PPARD: variants seen among roughly 807,000 people sequenced by gnomAD.
The protein encoded by PPARD is peroxisome proliferator-activated receptor delta.
In PPARD, 6 loss-of-function variants were observed where a neutral mutation model predicts 39.5. The ratio of observed to expected loss-of-function variants is 0.15; its 90% CI spans 0.08 to 0.30. The LOEUF (loss-of-function observed/expected upper bound fraction) is 0.30, where lower values mean the gene tolerates loss of function less well. Ranked by LOEUF, PPARD falls within the 10% of genes least tolerant of loss-of-function variation. The pLI, the probability that PPARD is intolerant of heterozygous loss-of-function variation, is 1.00. For missense variants in PPARD, 397 were observed against 596.8 expected (o/e 0.67, Z 3.49); for synonymous variants, 210 against 231.3 (o/e 0.91, Z 0.83).
chr6:35,383,600 GC>G (rs1326587095), intron 2 of PPARD, among the ~76,000 whole-genome samples: 1 of 128,172 alleles, frequency 7.8e-6, no homozygotes, highest in East Asian at 2.0e-4. Context: ...CCTCTTTCCG[GC>G]CGCCATCACA....
In PPARD at chr6:35,425,813, G is replaced by C. The variant is rs746489247; in HGVS notation, c.1079-19G>C. On this transcript the variant is annotated intron_variant, in intron 7 of 7. Transcript: ENST00000360694. This position sits in a 1 kb window ranked among gnomAD's most constrained non-coding sequence, Gnocchi z 4.5. ...CCACTGCCTTTCTGAGCTCCCTGGC[G>C]TGCCCTGTGTCCCCACAGACCGGCC... The C allele has an allele frequency of 1.2e-6, 2 of 1,612,356 alleles. No individual in the cohort carries two copies. Among genetic ancestry groups the C allele is most frequent in the Admixed American group, 1.7e-5 (1 of 59,998 alleles).
At chr6:35,352,960 A>G (rs999865450) in intron 2 of PPARD, among the ~76,000 whole-genome samples, 1 of 152,148 alleles carries the variant, frequency 6.6e-6, no homozygotes, top group African/African-American at 2.4e-5. Context: ...AGGACTACAC[A>G]AGGGTGTGAA....
At chr6:35,349,291 C>G (rs1761091477) in intron 2 of PPARD, among the ~76,000 whole-genome samples, 1 of 152,214 alleles carries the variant, frequency 6.6e-6, no homozygotes, top group African/African-American at 2.4e-5. Flanking sequence ...TCCCAAAGTG[C>G]TGGGATTACA....
At chr6:35,379,260 C>T (rs906539053) in intron 2 of PPARD, among the ~76,000 whole-genome samples, 7 of 151,976 alleles carry the variant, frequency 4.6e-5, no homozygotes, top group African/African-American at 1.2e-4. Flanking sequence ...TCCGCCACCA[C>T]GCTCGGCTAA....
intron 2 of PPARD, among the ~76,000 whole-genome samples, chr6:35,377,541 T>G (rs1762880034): frequency 6.6e-6 from 1 of 152,192 alleles, no homozygotes; most frequent in Non-Finnish European, 1.5e-5. Context: ...GGTTTTAGGG[T>G]CCAGCTGTTT....
rs542196329 is a variant in PPARD, at chr6:35,387,824, C to T, written c.-101-23163C>T. The stretch of plus-strand genomic sequence containing the variant: ...GCAACCTCCACCTCTCAGGCTCAAG[C>T]GATTCTCCTGCCTCAGCCTCCCAAG... On this transcript the variant is annotated intron_variant, in intron 2 of 7. Transcript: ENST00000360694. Among the ~76,000 whole-genome samples, 43 of 147,348 alleles carry T rather than the reference C, an allele frequency of 2.9e-4. No homozygotes were observed. In the South Asian group the frequency reaches 7.0e-3, roughly 24 times the overall value.
At chr6:35,346,504 C>A (rs888083250) in intron 1 of PPARD, among the ~76,000 whole-genome samples, 1 of 152,168 alleles carries the variant, frequency 6.6e-6, no homozygotes, top group Non-Finnish European at 1.5e-5. Flanking sequence ...GGTGTCCATG[C>A]ACATTTTTCT....
chr6:35,417,412 A>G (rs183442622), intron 3 of PPARD, among the ~76,000 whole-genome samples: 1 of 151,326 alleles, frequency 6.6e-6, no homozygotes, highest in Non-Finnish European at 1.5e-5. Flanking sequence ...CAGCCTCCTC[A>G]GTAGCTGGCA....
rs376845108 is a variant in PPARD, at chr6:35,351,544, T to C, written c.-102+4394T>C. ...TTGATTTTTATCATTGGTAACATAC[T>C]GTTGGTTCTTTTGTTTGATTTTGTC... On this transcript the variant is annotated intron_variant, in intron 2 of 7. Transcript: ENST00000360694. 4.6e-5 allele frequency among the ~76,000 whole-genome samples: 7 copies of C among 152,270 alleles called. No homozygotes were observed. The East Asian group carries it at 9.7e-4, about 21-fold the overall frequency.
chr6:35,368,204 C>T (rs1475753743), intron 2 of PPARD, among the ~76,000 whole-genome samples: 1 of 152,178 alleles, frequency 6.6e-6, no homozygotes, highest in East Asian at 1.9e-4. Context: ...TCTTAGGGAA[C>T]CTTCCAAAAT....
intron 3 of PPARD, among the ~76,000 whole-genome samples, chr6:35,413,588 A>G (rs767937001): frequency 1.4e-4 from 22 of 152,168 alleles, no homozygotes; most frequent in Non-Finnish European, 2.6e-4. Flanking sequence ...TTAAGTTGCA[A>G]TGCCATTTCA....
In PPARD at chr6:35,363,320, G is replaced by A. The variant is rs751453673; in HGVS notation, c.-102+16170G>A. ...TGATTTCCATAGGCTGTGCGTTCCT[G>A]TGGGCCTGCCTGGATCATATCTGTT... On this transcript the variant is annotated intron_variant, in intron 2 of 7. Transcript: ENST00000360694. The surrounding 1 kb of genome is among the most constrained non-coding windows in gnomAD (Gnocchi z 4.5). Among the ~76,000 whole-genome samples the A allele has an allele frequency of 2.5e-4, 38 of 152,134 alleles. No homozygotes were observed. The highest frequency in any genetic ancestry group is 4.7e-4 in the Non-Finnish European group (32 of 68,022).
intron 2 of PPARD, among the ~76,000 whole-genome samples, chr6:35,381,537 G>C (rs575783884): frequency 6.6e-6 from 1 of 152,268 alleles, no homozygotes; most frequent in South Asian, 2.1e-4. Flanking sequence ...TTGTATCATG[G>C]TCTAAGATGG....
At chr6:35,417,891 A>G (rs1311003658) in intron 3 of PPARD, among the ~76,000 whole-genome samples, 3 of 152,208 alleles carry the variant, frequency 2.0e-5, no homozygotes, top group Non-Finnish European at 2.9e-5. Flanking sequence ...TGTCCTGCAT[A>G]TAGAAGGTGC....
At chr6:35,343,008 C>T (rs994522074) in intron 1 of PPARD, among the ~76,000 whole-genome samples, 2 of 152,146 alleles carry the variant, frequency 1.3e-5, no homozygotes, top group Non-Finnish European at 2.9e-5. Context: ...CGTCTTCTCC[C>T]ACTTGTGAGA....
At chr6:35,347,467 TAATG>T (rs1240151741) in intron 2 of PPARD, among the ~76,000 whole-genome samples, 1 of 152,090 alleles carries the variant, frequency 6.6e-6, no homozygotes, top group Non-Finnish European at 1.5e-5. Flanking sequence ...ACAGAGGAGA[TAATG>T]AATAAATTTT....
intron 1 of PPARD, among the ~76,000 whole-genome samples, chr6:35,345,665 G>A (rs9658061): frequency 6.6e-6 from 1 of 151,860 alleles, no homozygotes; most frequent in South Asian, 2.1e-4. Context: ...CTTTCAACCC[G>A]ACCTGTGGTC....
rs199964529 is a variant in PPARD at position 35,420,299 on chromosome 6, C to A, written c.285+18C>A. ...GGTGCAAGGTACGGACTGGGGGGAG[C>A]GGTGGCTGGCCACTGAGGCTGTGGT... is the stretch of plus-strand genomic sequence containing the variant. On this transcript the variant is annotated intron_variant, in intron 4 of 7. Transcript: ENST00000360694. 1 of 1,523,438 alleles carries A rather than the reference C, an allele frequency of 6.6e-7. No homozygotes were observed. Among genetic ancestry groups the A allele is most frequent in the Non-Finnish European group, 8.8e-7 (1 of 1,134,292 alleles). The allele number at this position is 1,523,438 out of a possible 1,614,324, so 94.4% of individuals were successfully genotyped here. A position where few individuals can be genotyped will look rare whatever the true frequency, so the allele number is the denominator to read the frequency against.
intron 2 of PPARD, chr6:35,348,969 C>G: frequency 1.0e-6 from 1 of 985,334 alleles, no homozygotes. Context: ...GTCAGTTGTC[C>G]AGTTCATCCC....
Sources: allele counts gnomAD v4.1 joint callset (sites outside exome capture counted in the v4.1 genomes callset), GRCh38; gene constraint gnomAD v4.1.1; non-coding constraint Gnocchi (gnomAD v3.1); transcripts MANE v1.5; gene names NCBI Gene and HGNC (gene_info 2026-07-23, HGNC 2026-07-21).